MAGED1: variants seen among roughly 807,000 people sequenced by gnomAD.
MAGED1 encodes melanoma-associated antigen D1.
MAGED1 carries 3 observed loss-of-function variants against 54.1 expected under a neutral mutation model. The observed-to-expected ratio is 0.06, with a 90% CI of 0.03 to 0.14. MAGED1 has a LOEUF of 0.14. Ranked by LOEUF, MAGED1 falls within the 10% of genes least tolerant of loss-of-function variation. The pLI is 1.00. For synonymous variants in MAGED1, 217 were observed against 227.3 expected (o/e 0.95, Z 0.41); for missense variants, 485 against 623.4 (o/e 0.78, Z 2.36).
intron 1 of MAGED1, among the ~76,000 whole-genome samples, chrX:51,834,630 T>C (rs1444448187): frequency 1.8e-5 from 2 of 112,019 alleles, no homozygotes; most frequent in African/African-American, 6.5e-5. Flanking sequence ...TACTTTTTAT[T>C]TTTTCTTATT....
intron 1 of MAGED1, among the ~76,000 whole-genome samples, chrX:51,816,184 G>A (rs782368605): frequency 9.2e-6 from 1 of 108,944 alleles, no homozygotes; most frequent in Non-Finnish European, 1.9e-5. Context: ...TGCGATCTCT[G>A]CTCACTGTAA....
intron 10 of MAGED1, 110 bp from the exon 11 acceptor site, chrX:51,900,072 C>A (rs782404210): frequency 1.9e-6 from 1 of 516,993 alleles, no homozygotes; most frequent in Admixed American, 3.0e-5. Flanking sequence ...GGAATGAGCC[C>A]AAGGGGGAGT....
chrX:51,827,810 CA>C (rs548216374), intron 1 of MAGED1, among the ~76,000 whole-genome samples: 2 of 111,493 alleles, frequency 1.8e-5, no homozygotes, highest in African/African-American at 3.3e-5. Flanking sequence ...TTTGCGGTAT[CA>C]AAAAAAATCT....
intron 1 of MAGED1, among the ~76,000 whole-genome samples, chrX:51,842,649 C>T (rs892607976): frequency 9.0e-6 from 1 of 110,566 alleles, no homozygotes; most frequent in South Asian, 3.9e-4. Context: ...TATGATTTGA[C>T]GTTCTTTTAA....
chrX:51,834,096 T>A, intron 1 of MAGED1, among the ~76,000 whole-genome samples: 1 of 112,300 alleles, frequency 8.9e-6, no homozygotes, highest in East Asian at 2.8e-4. Flanking sequence ...GTAAGACTCA[T>A]TGATGAATGT....
At chrX:51,876,992 T>A (rs1557362066) in intron 1 of MAGED1, among the ~76,000 whole-genome samples, 1 of 111,488 alleles carries the variant, frequency 9.0e-6, no homozygotes, top group African/African-American at 3.3e-5. Context: ...AGTATAGATA[T>A]TTTTTAGGCT....
At chrX:51,813,250 C>T (rs1343545487) in intron 1 of MAGED1, among the ~76,000 whole-genome samples, 1 of 109,719 alleles carries the variant, frequency 9.1e-6, no homozygotes, top group African/African-American at 3.3e-5. Context: ...CTCGAACTTC[C>T]GACCTCAGGT....
rs377536231 is a variant in MAGED1 at position 51,894,745 on chromosome X, C to T, written c.46-308C>T. On this transcript the variant is annotated intron_variant, in intron 2 of 12. Coordinates refer to ENST00000326587, the MANE Select transcript of MAGED1 (RefSeq NM_006986.4). ...CCTTATTCTCAACTCCGCGATCCGC[C>T]TGCCGTCCTGAGCTGCTACTGCACG... 19 of 1,155,464 alleles carry T rather than the reference C, an allele frequency of 1.6e-5. No homozygotes were observed. In the African/African-American group the frequency reaches 2.8e-4, roughly 17 times the overall value.
chrX:51,893,553 C>T (rs1928540832), upstream of MAGED1: 1 of 113,889 alleles, frequency 8.8e-6, no homozygotes, highest in South Asian at 3.5e-4. Flanking sequence ...TTTGGCTCTT[C>T]AGTGTTTGCG....
rs781915123 is a variant in MAGED1, at chrX:51,895,199, C to T, written c.192C>T (p.Asp64=). 2.5e-6 allele frequency: 3 copies of T among 1,211,814 alleles called. No individual in the cohort carries two copies. The highest frequency in any genetic ancestry group is 2.2e-6 in the Non-Finnish European group (2 of 895,449). Residue 64 remains aspartate (D), a synonymous_variant, in exon 3 of 13, where the codon GAC becomes GAT. Coordinates refer to ENST00000326587, the MANE Select transcript of MAGED1 (RefSeq NM_006986.4). ...CCCCAACTGCCAATGAGATGGCTGA[C>T]ATTCAGGTTTCAGCAGCTGCCGCTA... The part of the protein sequence containing the change: ...SQPPTANEMA[D]IQVSAAAARP...
chrX:51,898,596 C>T lies in MAGED1; in HGVS notation c.1797C>T (p.Leu599=). 4 of 1,208,862 alleles carry T rather than the reference C, an allele frequency of 3.3e-6. No homozygotes were observed. The highest frequency in any genetic ancestry group is 1.7e-5 in the African/African-American group (1 of 57,666). The stretch of plus-strand genomic sequence containing the variant: ...TTACCTTCAGGGTGAGACATCCCCT[C>T]CTTGGAGATCTAAGGAAACTTCTCA... The part of the protein sequence containing the change: ...MGLRPGVRHP[L]LGDLRKLLTY... The change falls in exon 10 of 13, where the codon CTC becomes CTT. Residue 599 remains leucine, a synonymous_variant. Coordinates refer to ENST00000326587, the MANE Select transcript of MAGED1 (RefSeq NM_006986.4).
At chrX:51,872,033 G>A (rs1448020074) in intron 1 of MAGED1, among the ~76,000 whole-genome samples, 1 of 112,195 alleles carries the variant, frequency 8.9e-6, no homozygotes, top group Non-Finnish European at 1.9e-5. Context: ...CAGTGATGAT[G>A]AGCATTTTTT....
chrX:51,882,917 G>A (rs181891777), intron 1 of MAGED1, among the ~76,000 whole-genome samples: 9 of 111,398 alleles, frequency 8.1e-5, no homozygotes, highest in Non-Finnish European at 1.1e-4. Flanking sequence ...TCTCTAACTC[G>A]TGACCTCAGG....
rs1557364269 is a variant in MAGED1 at position 51,896,572 on chromosome X, C to G, written c.917C>G (p.Ser306Ter). 1 of 1,211,802 alleles carries G rather than the reference C, an allele frequency of 8.3e-7. No homozygotes were observed. ...WQTPLAWQNP[S>*]GWQNQTARQT... is the part of the protein sequence containing the mutation. ...ACGCCATTGGCTTGGCAGAACCCCT[C>G]AGGCTGGCAAAACCAGACAGCCAGG... Residue 306 changes from serine to a stop codon, truncating the protein, a stop_gained, in exon 4 of 13, where the codon TCA becomes TGA. Transcript: ENST00000326587. LOFTEE classifies it high-confidence loss of function.
At chrX:51,897,511 C>G (rs781880189) in intron 5 of MAGED1, 36 bp from the exon 6 acceptor site, 3 of 1,100,042 alleles carry the variant, frequency 2.7e-6, no homozygotes. Flanking sequence ...CTGTGGCCCC[C>G]GCTCGGCTCA....
upstream of MAGED1, among the ~76,000 whole-genome samples, chrX:51,892,216 C>T (rs150610858): frequency 3.5e-5 from 4 of 112,947 alleles, no homozygotes; most frequent in African/African-American, 1.3e-4. Flanking sequence ...ATCCTGGAAG[C>T]ATAGCAGCGT....
intron 1 of MAGED1, among the ~76,000 whole-genome samples, chrX:51,825,374 G>A (rs782600654): frequency 4.5e-5 from 5 of 112,063 alleles, no homozygotes; most frequent in South Asian, 7.5e-4. Flanking sequence ...ATCTCACTTG[G>A]CCGTATTTGT....
chrX:51,810,915 T>C (rs140390885), intron 1 of MAGED1, among the ~76,000 whole-genome samples: 2,244 of 111,929 alleles, frequency 0.02, 62 homozygotes, highest in African/African-American at 0.068. Context: ...ATTGACAAAA[T>C]AGTCTATTTA....
chrX:51,897,736 C>A, intron 6 of MAGED1, 59 bp from the exon 7 acceptor site: 1 of 1,062,720 alleles, frequency 9.4e-7, no homozygotes, highest in Non-Finnish European at 1.3e-6. Context: ...TGAGTGTCTG[C>A]CTATGGGTAG....
Sources: allele counts gnomAD v4.1 joint callset (sites outside exome capture counted in the v4.1 genomes callset), GRCh38; gene constraint gnomAD v4.1.1; transcripts MANE v1.5; gene names NCBI Gene and HGNC (gene_info 2026-07-23, HGNC 2026-07-21).